TMEM117: variants seen among roughly 807,000 people sequenced by gnomAD.
TMEM117 encodes the protein transmembrane protein 117.
In TMEM117, 27 loss-of-function variants were observed where a neutral mutation model predicts 52.4. The ratio of observed to expected loss-of-function variants is 0.51; its 90% confidence interval spans 0.38 to 0.71. The LOEUF is 0.71. Ranked by LOEUF, TMEM117 falls within the 30% of genes least tolerant of loss-of-function variation. The pLI is 0.00. For synonymous variants in TMEM117, 215 were observed against 206.3 expected, an observed-to-expected ratio of 1.04 and a Z score of -0.36; for missense variants, 556 against 630.5, an observed-to-expected ratio of 0.88 and a Z score of 1.26.
At chr12:43,981,441 T>C (rs1000566704) in intron 3 of TMEM117, among the ~76,000 whole-genome samples, 2 of 152,302 alleles carry the variant, frequency 1.3e-5, no homozygotes, top group East Asian at 1.9e-4. Flanking sequence ...AGAGCTTCAG[T>C]TGGGGCTTAA....
At chr12:44,101,927 G>A (rs1947867782) in intron 3 of TMEM117, among the ~76,000 whole-genome samples, 1 of 151,992 alleles carries the variant, frequency 6.6e-6, no homozygotes, top group African/African-American at 2.4e-5. Flanking sequence ...AAAGGAAATA[G>A]GGCGTATGTA....
chr12:43,802,193 T>C, the TMEM117 span: 1 of 804,426 alleles, frequency 1.2e-6, no homozygotes, highest in Non-Finnish European at 1.9e-6. Context: ...CTATGGGAAA[T>C]AATTATTGTT....
intron 6 of TMEM117, among the ~76,000 whole-genome samples, chr12:44,321,324 T>C (rs1951126645): frequency 6.6e-6 from 1 of 152,162 alleles, no homozygotes; most frequent in Non-Finnish European, 1.5e-5. Flanking sequence ...GTAACTCTTT[T>C]AGTTGAAATG....
At chr12:44,277,849 C>T (rs1342332605) in intron 5 of TMEM117, among the ~76,000 whole-genome samples, 1 of 148,216 alleles carries the variant, frequency 6.7e-6, no homozygotes, top group Admixed American at 6.7e-5. Flanking sequence ...CTGCAACCTC[C>T]ACCTTCCGGG....
chr12:44,097,870 T>C lies in TMEM117; in HGVS notation c.411-45655T>C, dbSNP rs1221695832. 2.6e-5 allele frequency among the ~76,000 whole-genome samples: 4 copies of C among 151,742 alleles called. No individual in the cohort carries two copies. The South Asian group carries it at 6.2e-4, about 24-fold the overall frequency. ...AACTTAAAGTATAATAATAATAAAA[T>C]AAAATAAAATAAAAATACAGTAATC... On this transcript the variant is annotated intron_variant, in intron 3 of 7. Coordinates refer to ENST00000266534, the MANE Select transcript of TMEM117 (RefSeq NM_032256.3).
At chr12:44,376,807 A>G (rs1951948551) in intron 7 of TMEM117, 83 bp downstream of exon 7, 2 of 1,415,604 alleles carry the variant, frequency 1.4e-6, no homozygotes, top group Admixed American at 4.9e-5. Context: ...GCAAGCCATA[A>G]TATTTGAGAG....
chr12:43,963,505 G>A (rs1011308274), intron 3 of TMEM117, among the ~76,000 whole-genome samples: 19 of 152,202 alleles, frequency 1.2e-4, no homozygotes, highest in African/African-American at 4.3e-4. Context: ...TTTCTGTTGG[G>A]ATGCTGTCAA....
chr12:43,939,463 CAG>C lies in TMEM117; in HGVS notation c.278-4742_278-4741del, dbSNP rs528432913. Among the ~76,000 whole-genome samples the C allele has an allele frequency of 3.3e-5, 5 of 152,278 alleles. No homozygotes were observed. In the South Asian group the frequency reaches 1.0e-3, roughly 32 times the overall value. ...CTGAGTTTTTGCTTACCAAGGTAAG[CAG>C]AGAGTACAATATTAATAATATTTCA... On this transcript the variant is annotated intron_variant, in intron 2 of 7. Transcript: ENST00000266534.
Position 44,171,936 on chromosome 12 carries a change from A to T in TMEM117, c.510+28312A>T, listed in dbSNP as rs117984577. ...GGAACAGCATGTGCAAAGCCCCAAGACGGTGAAGGCATTTGCCTTAGCTCA... is the reference window on the plus strand; with the variant it reads ...GGAACAGCATGTGCAAAGCCCCAAGTCGGTGAAGGCATTTGCCTTAGCTCA... On this transcript the variant is annotated intron_variant, in intron 4 of 7. Transcript: ENST00000266534. Among the ~76,000 whole-genome samples the T allele has an allele frequency of 5.5e-3, 831 of 152,190 alleles. 2 individuals are homozygous for T. Among genetic ancestry groups the T allele is most frequent in the Non-Finnish European group, 7.9e-3 (538 of 68,008 alleles).
intron 5 of TMEM117, among the ~76,000 whole-genome samples, chr12:44,242,582 A>G (rs539491330): frequency 1.3e-5 from 2 of 151,282 alleles, no homozygotes; most frequent in South Asian, 2.1e-4. Flanking sequence ...GCCATTGTGA[A>G]TAGTGCTGCA....
At chr12:43,967,961 G>T (rs1945513538) in intron 3 of TMEM117, among the ~76,000 whole-genome samples, 1 of 152,138 alleles carries the variant, frequency 6.6e-6, no homozygotes, top group Non-Finnish European at 1.5e-5. Flanking sequence ...TTTTTCCTAT[G>T]CTCTCCTGCA....
chr12:44,376,802 C>G (rs987954429), intron 7 of TMEM117, 78 bp downstream of exon 7: 109 of 1,445,154 alleles, frequency 7.5e-5, no homozygotes, highest in Non-Finnish European at 9.6e-5. Flanking sequence ...AAAAAGCAAG[C>G]CATAATATTT....
At chr12:44,314,621 C>T (rs1301862062) in intron 6 of TMEM117, among the ~76,000 whole-genome samples, 5 of 147,790 alleles carry the variant, frequency 3.4e-5, no homozygotes, top group African/African-American at 1.0e-4. Flanking sequence ...GGTTGGAGTG[C>T]AGTGGCGCAA....
downstream of TMEM117, among the ~76,000 whole-genome samples, chr12:44,390,570 GA>G (rs528374478): frequency 3.1e-3 from 472 of 151,322 alleles, 4 homozygotes; most frequent in African/African-American, 0.011. Flanking sequence ...AAGTAAGACA[GA>G]AAAAAAATAA....
At chr12:44,152,396 A>T (rs866281962) in intron 4 of TMEM117, among the ~76,000 whole-genome samples, 5 of 106,412 alleles carry the variant, frequency 4.7e-5, no homozygotes, top group Non-Finnish European at 8.7e-5. Context: ...ATTTATATAT[A>T]ATATTTATAT....
intron 3 of TMEM117, among the ~76,000 whole-genome samples, chr12:44,138,627 C>A (rs903557120): frequency 2.6e-5 from 4 of 152,048 alleles, no homozygotes; most frequent in African/African-American, 9.7e-5. Context: ...TTATCAGTGA[C>A]CATTGTTAGG....
downstream of TMEM117, among the ~76,000 whole-genome samples, chr12:44,394,440 C>G (rs1403914005): frequency 6.6e-6 from 1 of 152,152 alleles, no homozygotes; most frequent in Non-Finnish European, 1.5e-5. Flanking sequence ...CCATTTGCTC[C>G]CAATTTTCTG....
intron 3 of TMEM117, among the ~76,000 whole-genome samples, chr12:43,969,911 GGTATAGCA>G (rs1945553186): frequency 6.6e-6 from 1 of 151,972 alleles, no homozygotes; most frequent in Admixed American, 6.6e-5. Flanking sequence ...CTCTCCTCTA[GGTATAGCA>G]GTATCTCCTT....
At chr12:44,086,200 TG>T (rs1947562271) in intron 3 of TMEM117, among the ~76,000 whole-genome samples, 1 of 150,754 alleles carries the variant, frequency 6.6e-6, no homozygotes, top group Non-Finnish European at 1.5e-5. Context: ...GTATCTTGGA[TG>T]TTGCTTCCAA....
Sources: gnomAD v4.1 joint callset for allele counts (sites outside exome capture counted in the v4.1 genomes callset) on GRCh38, gnomAD v4.1.1 for gene constraint, MANE v1.5 for transcripts, NCBI Gene and HGNC (gene_info 2026-07-23, HGNC 2026-07-21) for gene names.